Variants in SPAG9 observed in about 807,000 individuals in gnomAD.
SPAG9 encodes the protein sperm associated antigen 9.
In SPAG9, 35 loss-of-function variants were observed where a neutral mutation model predicts 166.5. That is an observed-to-expected ratio of 0.21 (90% CI 0.16 to 0.28). SPAG9 has a LOEUF of 0.28. Among genes scored for constraint, SPAG9 ranks in the 10% least tolerant of loss-of-function variants. SPAG9 has a pLI of 1.00. For synonymous variants in SPAG9, 534 were observed against 565.5 expected, an observed-to-expected ratio of 0.94 and a Z score of 0.79; for missense variants, 1,235 against 1,603.3, an observed-to-expected ratio of 0.77 and a Z score of 3.92.
In SPAG9 at chr17:50,982,567, C is replaced by T. The variant is rs1359328267; in HGVS notation, c.3194G>A (p.Arg1065Lys). The T allele has an allele frequency of 6.2e-7, 1 of 1,613,942 alleles. No individual in the cohort carries two copies. Among genetic ancestry groups the T allele is most frequent in the Non-Finnish European group, 8.5e-7 (1 of 1,179,988 alleles). ...TGGCTGCACCACATAGATTTTGTTC[C>T]TATAGCCACACCAGACTTTGTCATG... is the stretch of plus-strand genomic sequence containing the variant. The part of the protein sequence containing the change: ...VVHDKVWCGY[R>K]NKIYVVQPKA... Residue 1065 changes from arginine (R) to lysine (K), a missense_variant, in exon 25 of 30, where the codon AGG becomes AAG. Physicochemically the swap from Arg to Lys is conservative, Grantham distance 26 (BLOSUM62 2). This residue lies in a region of SPAG9 where 243 missense variants were observed against 358.6 expected (regional missense o/e 0.68). Transcript: ENST00000262013.
chr17:51,019,721 A>G (rs144178075), intron 8 of SPAG9, among the ~76,000 whole-genome samples: 95 of 151,832 alleles, frequency 6.3e-4, no homozygotes, highest in Non-Finnish European at 1.2e-3. Flanking sequence ...GCGTGGTGGC[A>G]CATGTCTGTA....
At chr17:50,983,512 A>G (rs957954844) in intron 24 of SPAG9, among the ~76,000 whole-genome samples, 4 of 152,186 alleles carry the variant, frequency 2.6e-5, no homozygotes, top group African/African-American at 9.6e-5. Context: ...TTGAGGCTTA[A>G]GGCATTAAAC....
rs556847275 is a variant in SPAG9 at position 50,979,695 on chromosome 17, A to C, written c.3409+51T>G. On this transcript the variant is annotated intron_variant, in intron 26 of 29. Transcript: ENST00000262013. ...ATTTCAATAAACACATAGATAGATA[A>C]AATAAAACACCCTCTTTGACTGGTA... The C allele has an allele frequency of 2.2e-5, 35 of 1,555,916 alleles. No homozygotes were observed. The Admixed American group carries it at 5.0e-4, about 22-fold the overall frequency.
At chr17:51,041,356 C>T (rs1276684864) in intron 5 of SPAG9, 145 bp downstream of exon 5, 1 of 617,834 alleles carries the variant, frequency 1.6e-6, no homozygotes, top group African/African-American at 1.9e-5. Context: ...GGTAAGAGCT[C>T]ATTTCCAATT....
chr17:50,985,670 CAAG>C, intron 23 of SPAG9, 25 bp downstream of exon 23: 3 of 1,343,584 alleles, frequency 2.2e-6, no homozygotes, highest in East Asian at 2.3e-5. Context: ...ATAGTTTTAA[CAAG>C]AAGAATTTCC....
At chr17:51,071,560 CAGA>C (rs1388545625) in intron 2 of SPAG9, among the ~76,000 whole-genome samples, 1 of 152,052 alleles carries the variant, frequency 6.6e-6, no homozygotes, top group Non-Finnish European at 1.5e-5. Context: ...GAAAAGTAAT[CAGA>C]AATCTCCAAA....
Position 50,995,038 on chromosome 17 carries a change from T to C in SPAG9, c.2226+19A>G. ...TCATAGTCTCATAAACCAGGTCAAATGTTAGTACACACACTTACCTTAAGT... is the reference window on the plus strand; with the variant it reads ...TCATAGTCTCATAAACCAGGTCAAACGTTAGTACACACACTTACCTTAAGT... On this transcript the variant is annotated intron_variant, in intron 18 of 29. Transcript: ENST00000262013. 6.3e-7 allele frequency: 1 copy of C among 1,594,562 alleles called. No individual in the cohort carries two copies. Among genetic ancestry groups the C allele is most frequent in the African/African-American group, 1.3e-5 (1 of 74,598 alleles).
At chr17:51,017,798 T>C (rs141956115) in intron 8 of SPAG9, among the ~76,000 whole-genome samples, 1 of 152,182 alleles carries the variant, frequency 6.6e-6, no homozygotes, top group Non-Finnish European at 1.5e-5. Flanking sequence ...CACAACCATC[T>C]GAGGTATTAA....
chr17:50,999,476 C>T (rs773684489), intron 14 of SPAG9, 185 bp downstream of exon 14: 31 of 1,506,230 alleles, frequency 2.1e-5, no homozygotes, highest in Middle Eastern at 1.7e-4. Context: ...AGAGCCTTAC[C>T]GAGTTGGCAC....
intron 3 of SPAG9, among the ~76,000 whole-genome samples, chr17:51,053,283 G>C (rs920637078): frequency 6.6e-6 from 1 of 151,796 alleles, no homozygotes; most frequent in African/African-American, 2.4e-5. Context: ...CCAGCACTTT[G>C]GGAGGCCAAG....
intron 1 of SPAG9, among the ~76,000 whole-genome samples, chr17:51,098,807 A>C (rs1253680082): frequency 7.4e-5 from 11 of 147,906 alleles, no homozygotes; most frequent in Non-Finnish European, 1.5e-4. Context: ...GGTTTAAAGA[A>C]TTGGTTACTT....
intron 1 of SPAG9, among the ~76,000 whole-genome samples, chr17:51,110,681 G>A (rs553052365): frequency 2.6e-5 from 4 of 151,704 alleles, no homozygotes; most frequent in South Asian, 2.1e-4. Context: ...ACCTTGTCTC[G>A]AAAAAAATAA....
intron 18 of SPAG9, 60 bp from the exon 19 acceptor site, chr17:50,993,995 G>A: frequency 6.9e-7 from 1 of 1,446,536 alleles, no homozygotes; most frequent in Non-Finnish European, 9.6e-7. Context: ...TATTCATAAG[G>A]TGGTGCTGTT....
At chr17:51,073,841 GCC>G in intron 2 of SPAG9, among the ~76,000 whole-genome samples, 1 of 152,320 alleles carries the variant, frequency 6.6e-6, no homozygotes, top group Admixed American at 6.5e-5. Context: ...GGTGGCTCAC[GCC>G]TGTAATCCCA....
At chr17:51,091,833 T>C (rs1381501067) in intron 1 of SPAG9, among the ~76,000 whole-genome samples, 2 of 150,964 alleles carry the variant, frequency 1.3e-5, no homozygotes, top group Non-Finnish European at 3.0e-5. Context: ...AAAAAATCAG[T>C]GGACAATACA....
chr17:51,007,196 A>T lies in SPAG9; in HGVS notation c.1271+73T>A, dbSNP rs533661616. 5.4e-5 allele frequency: 47 copies of T among 867,116 alleles called. No individual in the cohort carries two copies. The South Asian group carries it at 6.6e-4, about 12-fold the overall frequency. 53.7% of individuals were successfully genotyped at this position (867,116 alleles called of 1,614,324 possible). The stretch of plus-strand genomic sequence containing the variant: ...GGGAGATTCCATTAGTATTATGTTA[A>T]AACGATGAAGTGTCATTGACTTGGA... On this transcript the variant is annotated intron_variant, in intron 10 of 29. Coordinates refer to ENST00000262013, the MANE Select transcript of SPAG9 (RefSeq NM_001130528.3).
chr17:50,998,355 C>T, intron 15 of SPAG9, 89 bp downstream of exon 15: 1 of 1,211,876 alleles, frequency 8.3e-7, no homozygotes, highest in South Asian at 1.5e-5. Context: ...TATAGATTTA[C>T]CTGAATCCTT....
At chr17:51,011,549 A>G (rs984235698) in intron 9 of SPAG9, among the ~76,000 whole-genome samples, 1 of 151,932 alleles carries the variant, frequency 6.6e-6, no homozygotes, top group East Asian at 1.9e-4. Context: ...TGCCCAGCTA[A>G]TTTTTGTAGT....
chr17:51,112,390 A>G (rs1045865320), intron 1 of SPAG9, among the ~76,000 whole-genome samples: 204 of 149,646 alleles, frequency 1.4e-3, no homozygotes, highest in Non-Finnish European at 2.6e-3. Context: ...AAAAAAAAAA[A>G]GGCCAGGCGC....
Sources: allele counts gnomAD v4.1 joint callset (sites outside exome capture counted in the v4.1 genomes callset), GRCh38; gene constraint gnomAD v4.1.1; regional missense constraint gnomAD v4.1.1; transcripts MANE v1.5; gene names NCBI Gene and HGNC (gene_info 2026-07-23, HGNC 2026-07-21).